The following RGS12 variants were observed in gnomAD, a reference collection of about 807,000 sequenced individuals.
RGS12 encodes regulator of G-protein signaling 12.
A neutral mutation model predicts 120.1 loss-of-function variants in RGS12; 66 were observed. The ratio of observed to expected loss-of-function variants is 0.55; its 90% CI spans 0.45 to 0.67. The LOEUF (loss-of-function observed/expected upper bound fraction) is 0.67. Ranked by LOEUF, RGS12 falls within the 30% of genes least tolerant of loss-of-function variation. The pLI, the probability that RGS12 is intolerant of heterozygous loss-of-function variation, is 0.00. For missense variants in RGS12, 1,859 were observed against 1,957.7 expected (o/e 0.95, Z 0.95); for synonymous variants, 827 against 804.7 (o/e 1.03, Z -0.47).
At chr4:3,349,456 G>A (rs902860670) in intron 3 of RGS12, among the ~76,000 whole-genome samples, 2 of 151,908 alleles carry the variant, frequency 1.3e-5, no homozygotes, top group South Asian at 2.1e-4. Context: ...CACATCTCTC[G>A]CTCTCCTACT....
rs148772858 is a variant in RGS12 at position 3,378,804 on chromosome 4, G to A, written c.1999-7612G>A. On this transcript the variant is annotated intron_variant, in intron 3 of 17. Coordinates refer to ENST00000336727, the MANE Select transcript of RGS12 (RefSeq NM_001394154.1). ...AGAGGGAACCCTTGCACTGTTGGTG[G>A]GAATGTAAATTGTACAGCCATTGTG... Among the ~76,000 whole-genome samples, 1,242 of 152,230 alleles carry A rather than the reference G, an allele frequency of 8.2e-3. 7 individuals carry two copies. Among genetic ancestry groups the A allele is most frequent in the Non-Finnish European group, 0.013 (863 of 68,014 alleles).
chr4:3,414,747 C>G lies in RGS12; in HGVS notation c.2191-5C>G. 6.3e-7 allele frequency: 1 copy of G among 1,595,844 alleles called. No homozygotes were observed. Among genetic ancestry groups the G allele is most frequent in the Non-Finnish European group, 8.6e-7 (1 of 1,163,434 alleles). On this transcript the variant is annotated splice_region_variant and splice_polypyrimidine_tract_variant and intron_variant, in intron 5 of 17. Transcript: ENST00000336727. The stretch of plus-strand genomic sequence containing the variant: ...GTTAATAAATGGTGTCTTTGTCTTT[C>G]TTAGGATTTTCTAAGGAAAGAATTC...
chr4:3,432,267 T>A lies in RGS12; in HGVS notation c.4114+1312T>A, dbSNP rs767820367. On this transcript the variant is annotated intron_variant, in intron 17 of 17. Coordinates refer to ENST00000336727, the MANE Select transcript of RGS12 (RefSeq NM_001394154.1). ...TTTAATCTAGGGGAAATATCACACATTTTTAGGAGATTAAGTGGATTTACC... is the reference window on the plus strand; with the variant it reads ...TTTAATCTAGGGGAAATATCACACAATTTTAGGAGATTAAGTGGATTTACC... 79 of 738,884 alleles carry A rather than the reference T, an allele frequency of 1.1e-4. 1 individual carries two copies. Among genetic ancestry groups the A allele is most frequent in the Non-Finnish European group, 1.1e-4 (69 of 604,858 alleles). The allele number at this position is 738,884 out of a possible 1,614,324, so 45.8% of individuals were successfully genotyped here. A position where few individuals can be genotyped will look rare whatever the true frequency, so the allele number is the denominator to read the frequency against.
intron 2 of RGS12, among the ~76,000 whole-genome samples, chr4:3,332,582 T>G (rs1246618694): frequency 6.6e-6 from 1 of 152,204 alleles, no homozygotes; most frequent in Non-Finnish European, 1.5e-5. Context: ...TGGCTTTGAT[T>G]TGCATTCCCT....
Position 3,407,953 on chromosome 4 carries a change from T to C in RGS12, c.2021-6119T>C, listed in dbSNP as rs573631320. Among the ~76,000 whole-genome samples, 9 of 152,370 alleles carry C rather than the reference T, an allele frequency of 5.9e-5. No individual in the cohort carries two copies. In the South Asian group the frequency reaches 1.9e-3, roughly 32 times the overall value. ...CTCTTTTTCACCAGGAAAGCATTTC[T>C]TTGACTCAGATGGGTCAGTCGAAAG... On this transcript the variant is annotated intron_variant, in intron 4 of 17. Transcript: ENST00000336727.
intron 6 of RGS12, among the ~76,000 whole-genome samples, chr4:3,415,344 CATG>C (rs905774441): frequency 1.3e-5 from 2 of 152,122 alleles, no homozygotes; most frequent in African/African-American, 4.8e-5. Context: ...TTTAAATATA[CATG>C]ATATTTAATT....
intron 1 of RGS12, chr4:3,312,865 A>G (rs1001293016): frequency 5.5e-6 from 1 of 180,942 alleles, no homozygotes; most frequent in Admixed American, 6.0e-5. Context: ...AACAATGCAA[A>G]CTGGTTTTAT....
At chr4:3,294,265 G>A (rs982262849) in intron 1 of RGS12, among the ~76,000 whole-genome samples, 5 of 152,240 alleles carry the variant, frequency 3.3e-5, no homozygotes, top group African/African-American at 1.2e-4. Flanking sequence ...GGCGCTGGGG[G>A]GCCTTCCCAG....
At chr4:3,308,490 C>T (rs957575887) in intron 1 of RGS12, among the ~76,000 whole-genome samples, 3 of 152,144 alleles carry the variant, frequency 2.0e-5, no homozygotes, top group Non-Finnish European at 2.9e-5. Context: ...TACTTATTTC[C>T]GCGGGCGGCT....
chr4:3,292,577 T>A (rs867994391), upstream of RGS12, among the ~76,000 whole-genome samples: 4 of 152,150 alleles, frequency 2.6e-5, no homozygotes, highest in South Asian at 2.1e-4. Flanking sequence ...GAGCGGGACT[T>A]CCTCGGACAC....
chr4:3,300,321 C>G (rs553647172), intron 1 of RGS12, among the ~76,000 whole-genome samples: 7 of 152,152 alleles, frequency 4.6e-5, no homozygotes, highest in Non-Finnish European at 1.0e-4. Context: ...GCTGGCTTGC[C>G]CCGCCTGCCA....
chr4:3,344,721 G>T (rs184128284), intron 3 of RGS12, among the ~76,000 whole-genome samples: 78 of 152,356 alleles, frequency 5.1e-4, no homozygotes, highest in Admixed American at 2.4e-3. Flanking sequence ...CCCAGTGGAT[G>T]CTCCATCTCC....
rs1716245140 is a variant in RGS12 at position 3,365,808 on chromosome 4, G to A, written c.1999-20608G>A. On this transcript the variant is annotated intron_variant, in intron 3 of 17. Transcript: ENST00000336727. The surrounding 1 kb of genome is among the most constrained non-coding windows in gnomAD (Gnocchi z 4.0). ...TCTGCTTTTTAAACCCATTATATGG[G>A]AAATTTTCTGAACTGTCCTTAAGAT... Among the ~76,000 whole-genome samples the A allele has an allele frequency of 6.6e-6, 1 of 152,186 alleles. No homozygotes were observed. The highest frequency in any genetic ancestry group is 6.5e-5 in the Admixed American group (1 of 15,284).
chr4:3,292,769 C>T (rs565297567), upstream of RGS12, among the ~76,000 whole-genome samples: 455 of 152,306 alleles, frequency 3.0e-3, 1 homozygote, highest in African/African-American at 0.01. Flanking sequence ...CGCCGCCGCG[C>T]CCCCAACGGA....
intron 3 of RGS12, among the ~76,000 whole-genome samples, chr4:3,348,312 C>A (rs114973786): frequency 0.031 from 4,715 of 152,092 alleles, 223 homozygotes; most frequent in African/African-American, 0.1. Context: ...AGTTTTCCTA[C>A]AAAATAAAAA....
intron 3 of RGS12, among the ~76,000 whole-genome samples, chr4:3,353,183 G>C (rs1714535526): frequency 2.0e-5 from 3 of 152,202 alleles, no homozygotes; most frequent in Admixed American, 2.0e-4. Flanking sequence ...GGCCCTCTGG[G>C]ACTACTTTGC....
At chr4:3,360,107 T>C (rs745679263) in intron 3 of RGS12, among the ~76,000 whole-genome samples, 1 of 152,222 alleles carries the variant, frequency 6.6e-6, no homozygotes, top group Non-Finnish European at 1.5e-5. Context: ...TTTGTGTTTC[T>C]AAGAATTTAA....
intron 1 of RGS12, among the ~76,000 whole-genome samples, chr4:3,306,693 C>T (rs908795671): frequency 6.6e-6 from 1 of 152,152 alleles, no homozygotes; most frequent in Non-Finnish European, 1.5e-5. Context: ...TGCAGGGGAC[C>T]GAGCAGGGAG....
At chr4:3,338,516 G>A (rs942418706) in intron 2 of RGS12, among the ~76,000 whole-genome samples, 5 of 152,250 alleles carry the variant, frequency 3.3e-5, no homozygotes, top group South Asian at 2.1e-4. Context: ...TTGACCGGCC[G>A]TCCCTTGGGA....
Sources: allele counts gnomAD v4.1 joint callset (sites outside exome capture counted in the v4.1 genomes callset), GRCh38; gene constraint gnomAD v4.1.1; non-coding constraint Gnocchi (gnomAD v3.1); transcripts MANE v1.5; gene names NCBI Gene and HGNC (gene_info 2026-07-23, HGNC 2026-07-21).